GRIN2A: variants seen among roughly 807,000 people sequenced by gnomAD.
GRIN2A encodes the protein glutamate ionotropic receptor NMDA type subunit 2A.
A neutral mutation model predicts 113.4 loss-of-function variants in GRIN2A; 22 were observed. That is an observed-to-expected ratio of 0.19 (90% confidence interval 0.14 to 0.28). The LOEUF is 0.28. Among genes scored for constraint, GRIN2A ranks in the 10% least tolerant of loss-of-function variants. The pLI, the probability that GRIN2A is intolerant of heterozygous loss-of-function variation, is 1.00. For missense variants in GRIN2A, 1,502 were observed against 1,887.0 expected (o/e 0.80, Z 3.78); for synonymous variants, 827 against 738.4 (o/e 1.12, Z -1.94).
intron 10 of GRIN2A, among the ~76,000 whole-genome samples, chr16:9,806,279 C>A (rs2041964324): frequency 6.6e-6 from 1 of 152,096 alleles, no homozygotes; most frequent in Non-Finnish European, 1.5e-5. Flanking sequence ...GTTATTATTT[C>A]CACCAAGTCA....
At chr16:9,917,349 G>C (rs1467517663) in intron 3 of GRIN2A, among the ~76,000 whole-genome samples, 2 of 152,150 alleles carry the variant, frequency 1.3e-5, no homozygotes, top group African/African-American at 4.8e-5. Context: ...GTTTTCACTG[G>C]TGTATCCCCT....
intron 2 of GRIN2A, among the ~76,000 whole-genome samples, chr16:9,963,845 C>T (rs1306847007): frequency 6.6e-6 from 1 of 152,206 alleles, no homozygotes; most frequent in Non-Finnish European, 1.5e-5. Context: ...GATGGACAAA[C>T]TCCCTGCCTC....
intron 4 of GRIN2A, among the ~76,000 whole-genome samples, chr16:9,870,123 G>A (rs2043230824): frequency 6.6e-6 from 1 of 152,110 alleles, no homozygotes; most frequent in African/African-American, 2.4e-5. Context: ...ATAATTCTGT[G>A]CACGGAGAAG....
intron 4 of GRIN2A, among the ~76,000 whole-genome samples, chr16:9,873,412 G>A (rs2043303119): frequency 6.6e-6 from 1 of 152,076 alleles, no homozygotes; most frequent in African/African-American, 2.4e-5. Context: ...TGCCAAAAGT[G>A]GAATGAGACT....
At chr16:10,004,261 C>T (rs1419238691) in intron 2 of GRIN2A, among the ~76,000 whole-genome samples, 5 of 151,918 alleles carry the variant, frequency 3.3e-5, no homozygotes, top group Non-Finnish European at 5.9e-5. Flanking sequence ...TGATGGTGCG[C>T]ACCTGTAGTC....
At chr16:10,147,455 CAAAAAAAAAAAAA>C (rs367830700) in intron 2 of GRIN2A, among the ~76,000 whole-genome samples, 4 of 72,942 alleles carry the variant, frequency 5.5e-5, no homozygotes, top group African/African-American at 1.3e-4. Flanking sequence ...ACTAAAAATA[CAAAAAAAAAAAAA>C]AAAAAAAAAA....
chr16:10,019,501 G>T lies in GRIN2A; in HGVS notation c.415-80950C>A, dbSNP rs2046676143. ...AAATTGTATTTCTAAGCAGAAATTT[G>T]TGGACCCATTTTAATGACAAGATAA... On this transcript the variant is annotated intron_variant, in intron 2 of 12. Transcript: ENST00000330684. 2.0e-5 allele frequency among the ~76,000 whole-genome samples: 3 copies of T among 152,218 alleles called. No individual in the cohort carries two copies. The South Asian group carries it at 6.2e-4, about 32-fold the overall frequency.
chr16:10,094,290 T>A (rs922843814), intron 2 of GRIN2A, among the ~76,000 whole-genome samples: 7 of 152,320 alleles, frequency 4.6e-5, no homozygotes, highest in African/African-American at 1.2e-4. Context: ...AGGTGAGAGT[T>A]ACAGGCTCAG....
intron 2 of GRIN2A, among the ~76,000 whole-genome samples, chr16:9,992,258 A>C (rs2046130970): frequency 6.6e-6 from 1 of 152,146 alleles, no homozygotes; most frequent in Admixed American, 6.5e-5. Flanking sequence ...TCTTAATAAG[A>C]AGCCTTCTCA....
At chr16:10,069,476 CA>C (rs1422944827) in intron 2 of GRIN2A, among the ~76,000 whole-genome samples, 6 of 152,176 alleles carry the variant, frequency 3.9e-5, no homozygotes, top group African/African-American at 1.4e-4. Context: ...AGACAGACTA[CA>C]CAAGATGCAG....
At chr16:9,771,559 C>G (rs61469441) in intron 11 of GRIN2A, among the ~76,000 whole-genome samples, 2,922 of 150,980 alleles carry the variant, frequency 0.019, 102 homozygotes, top group African/African-American at 0.065. Context: ...TACTCCCCCC[C>G]ACCCCCACCT....
intron 3 of GRIN2A, among the ~76,000 whole-genome samples, chr16:9,925,633 A>T (rs1353594135): frequency 6.6e-6 from 1 of 152,186 alleles, no homozygotes; most frequent in Non-Finnish European, 1.5e-5. Flanking sequence ...CATAAATAAA[A>T]TGTGGTAAAC....
chr16:10,126,194 G>C (rs1048607740), intron 2 of GRIN2A, among the ~76,000 whole-genome samples: 1 of 149,332 alleles, frequency 6.7e-6, no homozygotes, highest in Non-Finnish European at 1.5e-5. Flanking sequence ...ATAGGATCTC[G>C]CTCTGTCGCC....
intron 9 of GRIN2A, among the ~76,000 whole-genome samples, chr16:9,828,984 T>C (rs1390320328): frequency 6.6e-6 from 1 of 152,218 alleles, no homozygotes; most frequent in Non-Finnish European, 1.5e-5. Context: ...TGGGTAGGGC[T>C]TAAAGATGAC....
intron 2 of GRIN2A, among the ~76,000 whole-genome samples, chr16:10,014,473 G>A (rs1323835754): frequency 1.3e-5 from 2 of 152,164 alleles, no homozygotes; most frequent in African/African-American, 2.4e-5. Flanking sequence ...CATGTCTTGA[G>A]TGGCTACTAT....
At chr16:9,895,998 C>G (rs12927741) in intron 3 of GRIN2A, among the ~76,000 whole-genome samples, 48,976 of 151,818 alleles carry the variant, frequency 0.32, 9,915 homozygotes, top group African/African-American at 0.58. Flanking sequence ...AAGACACTTG[C>G]TCCTGGGGAG....
intron 3 of GRIN2A, among the ~76,000 whole-genome samples, chr16:9,909,417 C>T (rs897821419): frequency 3.3e-5 from 5 of 152,210 alleles, no homozygotes; most frequent in African/African-American, 1.2e-4. Flanking sequence ...ATCTTTCTAG[C>T]ACAATGGCAA....
chr16:9,850,021 C>A (rs902139566), intron 4 of GRIN2A, 60 bp from the exon 5 acceptor site: 10 of 1,407,884 alleles, frequency 7.1e-6, no homozygotes, highest in African/African-American at 1.4e-5. Flanking sequence ...TCTGGAGAGG[C>A]AAATCCTTTC....
At chr16:9,878,071 T>A (rs1261718834) in intron 4 of GRIN2A, among the ~76,000 whole-genome samples, 2 of 152,070 alleles carry the variant, frequency 1.3e-5, no homozygotes, top group Non-Finnish European at 2.9e-5. Flanking sequence ...ATTTGCTCAT[T>A]TTCATAATTG....
Sources: allele counts gnomAD v4.1 joint callset (sites outside exome capture counted in the v4.1 genomes callset), GRCh38; gene constraint gnomAD v4.1.1; transcripts MANE v1.5; gene names NCBI Gene and HGNC (gene_info 2026-07-23, HGNC 2026-07-21).